The following RASSF8 variants were observed in gnomAD, a reference collection of about 807,000 sequenced individuals.
RASSF8 encodes Ras association domain family member 8.
RASSF8 carries 22 observed loss-of-function variants against 48.5 expected under a neutral mutation model. The ratio of observed to expected loss-of-function variants is 0.45; its 90% confidence interval spans 0.32 to 0.65. RASSF8 has a LOEUF of 0.65. Among genes scored for constraint, RASSF8 ranks in the 30% least tolerant of loss-of-function variants. The pLI is 0.03. For synonymous variants in RASSF8, 127 were observed against 171.5 expected, an observed-to-expected ratio of 0.74 and a Z score of 2.03; for missense variants, 418 against 489.2, an observed-to-expected ratio of 0.85 and a Z score of 1.37.
chr12:25,986,209 G>C (rs1228270024), intron 1 of RASSF8, among the ~76,000 whole-genome samples: 1 of 152,126 alleles, frequency 6.6e-6, no homozygotes, highest in Non-Finnish European at 1.5e-5. Flanking sequence ...GTGTGGCCTT[G>C]ATTTACATTA....
intron 3 of RASSF8, among the ~76,000 whole-genome samples, chr12:26,057,666 TG>T (rs992176151): frequency 2.6e-5 from 4 of 152,336 alleles, no homozygotes; most frequent in Admixed American, 2.6e-4. Context: ...CTGGGTCAAA[TG>T]GTATTTCTAG....
chr12:26,001,535 A>G (rs954392362), intron 2 of RASSF8, among the ~76,000 whole-genome samples: 4 of 152,046 alleles, frequency 2.6e-5, no homozygotes, highest in African/African-American at 4.8e-5. Flanking sequence ...TTCCTATTCT[A>G]TAAGCTTTTT....
At chr12:25,975,677 A>G (rs914570154) in intron 1 of RASSF8, among the ~76,000 whole-genome samples, 10 of 152,252 alleles carry the variant, frequency 6.6e-5, no homozygotes, top group Admixed American at 5.9e-4. Flanking sequence ...GCAAAAGTTG[A>G]ACTTTAAGAA....
Position 26,064,821 on chromosome 12 carries a change from T to C in RASSF8, c.427T>C (p.Phe143Leu). ...TGGAKGLMDI[F>L]GKGKETEFKQ... ...AGGTGCCAAAGGATTAATGGACATT[T>C]TTGGAAAAGGTAAAGAAACTGAGTT... The change falls in exon 4 of 6, where the codon TTT becomes CTT. Residue 143 changes from phenylalanine (F) to leucine (L), a missense_variant. Phe to Leu is a conservative substitution (Grantham distance 22). Coordinates refer to ENST00000689635, the MANE Select transcript of RASSF8 (RefSeq NM_001394098.1). 1 of 1,614,148 alleles carries C rather than the reference T, an allele frequency of 6.2e-7. No individual in the cohort carries two copies. Among genetic ancestry groups the C allele is most frequent in the East Asian group, 2.2e-5 (1 of 44,888 alleles).
chr12:26,050,226 C>T (rs1039812267), intron 2 of RASSF8, among the ~76,000 whole-genome samples: 2 of 152,066 alleles, frequency 1.3e-5, no homozygotes, highest in African/African-American at 4.8e-5. Flanking sequence ...TTTGAATGTG[C>T]TGCTGCTCTA....
intron 2 of RASSF8, among the ~76,000 whole-genome samples, chr12:26,046,529 T>A (rs909067576): frequency 1.4e-4 from 21 of 152,280 alleles, no homozygotes; most frequent in African/African-American, 2.9e-4. Flanking sequence ...ATTTAAAAAA[T>A]TTTTTAAAGG....
intron 1 of RASSF8, among the ~76,000 whole-genome samples, chr12:25,989,222 C>G (rs1472244590): frequency 6.6e-6 from 1 of 152,152 alleles, no homozygotes; most frequent in African/African-American, 2.4e-5. Context: ...TGGGTCACAC[C>G]CACAGCCATA....
rs146366512 is a variant in RASSF8 at position 26,071,077 on chromosome 12, G to A, written c.*2259G>A. The A allele has an allele frequency of 7.5e-4, 730 of 979,208 alleles. 3 individuals are homozygous for A. In the African/African-American group the frequency reaches 0.011, roughly 15 times the overall value. 60.7% of individuals were successfully genotyped at this position (979,208 alleles called of 1,614,324 possible). A position where few individuals can be genotyped will look rare whatever the true frequency, so the allele number is the denominator to read the frequency against. On this transcript the variant is annotated 3_prime_UTR_variant, in exon 6 of 6. Transcript: ENST00000689635. Reference sequence around the variant, plus strand: ...GATTTAAAAAAATTTCCTAGGCGACGAAAGTATAGAAATGTGAATATGTTG... The same window carrying A: ...GATTTAAAAAAATTTCCTAGGCGACAAAAGTATAGAAATGTGAATATGTTG...
intron 1 of RASSF8, among the ~76,000 whole-genome samples, chr12:25,990,633 A>G (rs1941992863): frequency 6.6e-6 from 1 of 152,212 alleles, no homozygotes; most frequent in Non-Finnish European, 1.5e-5. Context: ...CCTTACTAAC[A>G]TTGTGTATTG....
intron 2 of RASSF8, among the ~76,000 whole-genome samples, chr12:26,030,478 T>A (rs1943006600): frequency 6.6e-6 from 1 of 152,230 alleles, no homozygotes; most frequent in South Asian, 2.1e-4. Flanking sequence ...ATGGATTCTA[T>A]TCCTTTTATT....
rs145091840 is a variant in RASSF8 at position 25,998,637 on chromosome 12, G to A, written c.-109+3507G>A. ...GCTGGGATTACAGGCGTGAGCCACC[G>A]CGCCTGGCAAGAAAGCTTTTCTTAA... On this transcript the variant is annotated intron_variant, in intron 2 of 5. Transcript: ENST00000689635. Among the ~76,000 whole-genome samples the A allele has an allele frequency of 2.6e-4, 40 of 152,174 alleles. No homozygotes were observed. The East Asian group carries it at 7.5e-3, about 29-fold the overall frequency.
At chr12:26,072,910 A>T (rs79906133), downstream of RASSF8, 692 of 794,578 alleles carry the variant, frequency 8.7e-4, 2 homozygotes, top group African/African-American at 0.01. Context: ...TTATATTTTT[A>T]AATACAATTT....
At chr12:26,059,323 G>A (rs1318858635) in intron 3 of RASSF8, among the ~76,000 whole-genome samples, 2 of 152,190 alleles carry the variant, frequency 1.3e-5, no homozygotes, top group Non-Finnish European at 2.9e-5. Flanking sequence ...GTGTCATTGA[G>A]AAGACAAGGA....
At position 26,072,865 on chromosome 12, in the gene RASSF8, G is replaced by T. The variant is rs1407548802; in HGVS notation, c.*4047G>T. 24 of 896,374 alleles carry T rather than the reference G, an allele frequency of 2.7e-5. No individual in the cohort carries two copies. The highest frequency in any genetic ancestry group is 3.1e-5 in the Non-Finnish European group (23 of 749,350). 55.5% of individuals were successfully genotyped at this position (896,374 alleles called of 1,614,324 possible). On this transcript the variant is annotated 3_prime_UTR_variant, in exon 6 of 6. Coordinates refer to ENST00000689635, the MANE Select transcript of RASSF8 (RefSeq NM_001394098.1). ...AATAATAAATTTTCAGGATTCATTGGGGCATTACAGTTGTCAGTTTGTTTC... is the reference window on the plus strand; with the variant it reads ...AATAATAAATTTTCAGGATTCATTGTGGCATTACAGTTGTCAGTTTGTTTC...
At chr12:26,003,025 A>G (rs1379769018) in intron 2 of RASSF8, among the ~76,000 whole-genome samples, 1 of 152,232 alleles carries the variant, frequency 6.6e-6, no homozygotes, top group Non-Finnish European at 1.5e-5. Flanking sequence ...TAATTTTTAT[A>G]TATGGTGACA....
chr12:25,970,293 C>T (rs554127362), intron 1 of RASSF8, among the ~76,000 whole-genome samples: 4 of 152,084 alleles, frequency 2.6e-5, no homozygotes, highest in Admixed American at 6.5e-5. Context: ...TTTCTGGGCC[C>T]CTGCCCACTG....
chr12:25,964,293 T>G (rs1277205398), intron 1 of RASSF8, among the ~76,000 whole-genome samples: 1 of 152,176 alleles, frequency 6.6e-6, no homozygotes, highest in East Asian at 1.9e-4. Context: ...GCAAGTGTTT[T>G]TTTTTTTTTT....
chr12:25,992,236 G>T (rs866550681), intron 1 of RASSF8, among the ~76,000 whole-genome samples: 6 of 152,314 alleles, frequency 3.9e-5, no homozygotes, highest in African/African-American at 1.4e-4. Context: ...CAATGTGAAT[G>T]CAGGTGTCAG....
intron 1 of RASSF8, among the ~76,000 whole-genome samples, chr12:25,983,825 A>G (rs1374897476): frequency 6.6e-6 from 1 of 152,206 alleles, no homozygotes; most frequent in Non-Finnish European, 1.5e-5. Context: ...TACAGTGTAG[A>G]CACCATGCAG....
Sources: gnomAD v4.1 joint callset for allele counts (sites outside exome capture counted in the v4.1 genomes callset) on GRCh38, gnomAD v4.1.1 for gene constraint, MANE v1.5 for transcripts, NCBI Gene and HGNC (gene_info 2026-07-23, HGNC 2026-07-21) for gene names.